The following ABI3BP variants were observed in gnomAD, a reference collection of about 807,000 sequenced individuals.
ABI3BP encodes ABI family member 3 binding protein.
In ABI3BP, 216 loss-of-function variants were observed where a neutral mutation model predicts 268.6. The observed-to-expected ratio is 0.80, with a 90% CI of 0.72 to 0.90. The LOEUF (loss-of-function observed/expected upper bound fraction) is 0.90, where lower values mean the gene tolerates loss of function less well. Ranked by LOEUF, ABI3BP falls within the 40% of genes least tolerant of loss-of-function variation. The probability of loss-of-function intolerance (pLI) is 0.00; values close to 1 mark genes in which losing one functional copy is unlikely to be tolerated. For missense variants in ABI3BP, 2,090 were observed against 2,182.4 expected (o/e 0.96, Z 0.84); for synonymous variants, 730 against 730.0 (o/e 1.00, Z 0.00).
Position 100,838,456 on chromosome 3 carries a change from G to T in ABI3BP, c.1954C>A (p.Pro652Thr). The T allele has an allele frequency of 6.5e-7, 1 of 1,535,608 alleles. No individual in the cohort carries two copies. Among genetic ancestry groups the T allele is most frequent in the Non-Finnish European group, 8.7e-7 (1 of 1,146,560 alleles). ...TGTGTGGTTTTAGGTCTCTCAGATG[G>T]TTTTGAGGCTAAAGAAAAAGGTATT... is the stretch of plus-strand genomic sequence containing the variant. ...EPLVPTTASK[P>T]SERPKTTHRP... The change falls in exon 25 of 68, where the codon CCA becomes ACA. Residue 652 changes from proline to threonine, a missense_variant. Coordinates refer to ENST00000471714, the MANE Select transcript of ABI3BP (RefSeq NM_001375547.2).
At chr3:100,807,989 AC>A (rs2152450147) in intron 50 of ABI3BP, among the ~76,000 whole-genome samples, 171 bp downstream of exon 50, 1 of 152,160 alleles carries the variant, frequency 6.6e-6, no homozygotes, top group South Asian at 2.1e-4. Flanking sequence ...CCAATGATGT[AC>A]TTTTTTAGTA....
chr3:100,916,623 G>C (rs1290726890), intron 2 of ABI3BP, among the ~76,000 whole-genome samples: 2 of 152,152 alleles, frequency 1.3e-5, no homozygotes, highest in Non-Finnish European at 2.9e-5. Flanking sequence ...AAAGCCCTTA[G>C]CCCAGCACAT....
At chr3:100,804,034 T>C (rs566523212) in intron 51 of ABI3BP, among the ~76,000 whole-genome samples, 1 of 152,320 alleles carries the variant, frequency 6.6e-6, no homozygotes, top group East Asian at 1.9e-4. Flanking sequence ...ATAATAATTG[T>C]ACCTTTAAAA....
intron 51 of ABI3BP, among the ~76,000 whole-genome samples, chr3:100,797,562 GTTTTTT>G (rs575648416): frequency 1.5e-5 from 2 of 129,658 alleles, no homozygotes; most frequent in Non-Finnish European, 3.4e-5. Context: ...TGAAGAAACT[GTTTTTT>G]TTTTTTTTTT....
chr3:100,752,116 A>G (rs755483967), intron 66 of ABI3BP, among the ~76,000 whole-genome samples: 1 of 152,208 alleles, frequency 6.6e-6, no homozygotes, highest in African/African-American at 2.4e-5. Context: ...AGCTAGTGCT[A>G]ACTAACTTTT....
rs761361821 is a variant in ABI3BP, at chr3:100,843,540, TGTGAGA to T, written c.1724-1507_1724-1502del. 3.3e-4 allele frequency: 266 copies of T among 812,214 alleles called. No individual in the cohort carries two copies. The African/African-American group carries it at 4.2e-3, about 13-fold the overall frequency. 50.3% of individuals were successfully genotyped at this position (812,214 alleles called of 1,614,324 possible). On this transcript the variant is annotated intron_variant, in intron 20 of 67. Transcript: ENST00000471714. ...GAGGATGTGTGTGTGTGTGTGTGTG[TGTGAGA>T]GAGAGAGAGAGAGAGAGAGAGGGAA...
chr3:100,835,664 AC>A lies in ABI3BP; in HGVS notation c.2132-5del, dbSNP rs1461736384. The stretch of plus-strand genomic sequence containing the variant: ...GGCTCAATGTCTGTGGTGGGAACTA[AC>A]CAAAAGCAATACAATAAACAATGGA... On this transcript the variant is annotated splice_polypyrimidine_tract_variant and splice_region_variant and intron_variant, in intron 27 of 67. Coordinates refer to ENST00000471714, the MANE Select transcript of ABI3BP (RefSeq NM_001375547.2). 2 of 1,532,530 alleles carry A rather than the reference AC, an allele frequency of 1.3e-6. No homozygotes were observed. Among genetic ancestry groups the A allele is most frequent in the Non-Finnish European group, 1.7e-6 (2 of 1,144,676 alleles). The allele number at this position is 1,532,530 out of a possible 1,614,324, so 94.9% of individuals were successfully genotyped here.
At chr3:100,836,405 C>G (rs1407247051) in intron 27 of ABI3BP, among the ~76,000 whole-genome samples, 1 of 152,084 alleles carries the variant, frequency 6.6e-6, no homozygotes, top group African/African-American at 2.4e-5. Context: ...ATTCAAACAT[C>G]TCATCCTCAA....
At chr3:100,826,618 T>A (rs927017910) in intron 34 of ABI3BP, among the ~76,000 whole-genome samples, 2 of 152,202 alleles carry the variant, frequency 1.3e-5, no homozygotes, top group African/African-American at 4.8e-5. Flanking sequence ...AAATTATGGT[T>A]GCAGAAAAAG....
At chr3:100,984,020 C>A (rs1039022550) in intron 1 of ABI3BP, among the ~76,000 whole-genome samples, 1 of 152,016 alleles carries the variant, frequency 6.6e-6, no homozygotes, top group South Asian at 2.1e-4. Flanking sequence ...GTACTTGCAA[C>A]CTTTAAATTT....
At chr3:100,804,378 A>G (rs2097636856) in intron 51 of ABI3BP, among the ~76,000 whole-genome samples, 1 of 152,196 alleles carries the variant, frequency 6.6e-6, no homozygotes, top group African/African-American at 2.4e-5. Context: ...TGGACATAGT[A>G]CAATTTATGT....
intron 6 of ABI3BP, among the ~76,000 whole-genome samples, chr3:100,883,603 G>A (rs941956063): frequency 6.6e-6 from 1 of 152,052 alleles, no homozygotes; most frequent in African/African-American, 2.4e-5. Context: ...TATTACATTA[G>A]CCAACAATTT....
chr3:100,868,221 G>A (rs1440796516), intron 9 of ABI3BP, among the ~76,000 whole-genome samples: 1 of 152,168 alleles, frequency 6.6e-6, no homozygotes, highest in East Asian at 1.9e-4. Context: ...TTTGAGGCTA[G>A]ATTATTTTTT....
At chr3:100,927,909 T>G (rs186881949) in intron 1 of ABI3BP, among the ~76,000 whole-genome samples, 9 of 151,968 alleles carry the variant, frequency 5.9e-5, no homozygotes, top group Admixed American at 3.3e-4. Context: ...TCTTTAGCCA[T>G]GATTCAGAAA....
chr3:100,788,533 G>A (rs764790653), intron 56 of ABI3BP, among the ~76,000 whole-genome samples: 8 of 151,918 alleles, frequency 5.3e-5, no homozygotes, highest in Non-Finnish European at 7.4e-5. Flanking sequence ...GCCAGTGCTC[G>A]GTCATTATTA....
At chr3:100,863,852 G>T in intron 12 of ABI3BP, 150 bp downstream of exon 12, 1 of 608,056 alleles carries the variant, frequency 1.6e-6, no homozygotes, top group Non-Finnish European at 2.9e-6. Context: ...ATTTGTCATA[G>T]GGAGAGCCTC....
At chr3:100,818,988 A>T (rs1443758570) in intron 40 of ABI3BP, among the ~76,000 whole-genome samples, 1 of 152,208 alleles carries the variant, frequency 6.6e-6, no homozygotes, top group Non-Finnish European at 1.5e-5. Context: ...TTGAGAGAAG[A>T]CATAGCAAAG....
intron 1 of ABI3BP, among the ~76,000 whole-genome samples, chr3:100,929,572 G>A (rs2062962718): frequency 6.6e-6 from 1 of 151,978 alleles, no homozygotes; most frequent in Admixed American, 6.6e-5. Flanking sequence ...TCTCAACACA[G>A]CATCACAAAC....
intron 1 of ABI3BP, among the ~76,000 whole-genome samples, chr3:100,940,794 A>C (rs1222867650): frequency 2.9e-5 from 1 of 34,498 alleles, no homozygotes; most frequent in African/African-American, 1.2e-4. Flanking sequence ...CACTATATAT[A>C]TATATATATA....
Sources: gnomAD v4.1 joint callset for allele counts (sites outside exome capture counted in the v4.1 genomes callset) on GRCh38, gnomAD v4.1.1 for gene constraint, MANE v1.5 for transcripts, NCBI Gene and HGNC (gene_info 2026-07-23, HGNC 2026-07-21) for gene names.